The following MED27 variants were observed in gnomAD, a reference collection of about 807,000 sequenced individuals.
MED27 encodes the protein mediator complex subunit 27.
A neutral mutation model predicts 38.2 loss-of-function variants in MED27; 30 were observed. The observed-to-expected ratio is 0.79, with a 90% CI of 0.59 to 1.07. MED27 has a LOEUF of 1.07. Among genes scored for constraint, MED27 ranks in the 50% least tolerant of loss-of-function variants. The pLI, the probability that MED27 is intolerant of heterozygous loss-of-function variation, is 0.00. For missense variants in MED27, 289 were observed against 397.5 expected (o/e 0.73, Z 2.32); for synonymous variants, 122 against 153.5 (o/e 0.79, Z 1.52).
At position 132,051,631 on chromosome 9, in the gene MED27, T is replaced by G. The variant is rs992977785; in HGVS notation, c.348+25811A>C. Among the ~76,000 whole-genome samples, 1 of 152,252 alleles carries G rather than the reference T, an allele frequency of 6.6e-6. No homozygotes were observed. Among genetic ancestry groups the G allele is most frequent in the African/African-American group, 2.4e-5 (1 of 41,472 alleles). ...CTGTGTTGTCCAACATAGTGGCCAC[T>G]GGCTACAGGAGGCTATTTAAGTTTA... On this transcript the variant is annotated intron_variant, in intron 2 of 7. Coordinates refer to ENST00000292035, the MANE Select transcript of MED27 (RefSeq NM_004269.4). This position sits in a 1 kb window ranked among gnomAD's most constrained non-coding sequence, Gnocchi z 4.2.
intron 3 of MED27, among the ~76,000 whole-genome samples, chr9:131,946,941 T>C (rs1393954256): frequency 1.3e-5 from 2 of 152,214 alleles, no homozygotes; most frequent in Non-Finnish European, 2.9e-5. Flanking sequence ...TTAAATTTGC[T>C]TTGTGCTCCT....
At chr9:132,015,123 A>G (rs1247518168) in intron 2 of MED27, among the ~76,000 whole-genome samples, 1 of 152,252 alleles carries the variant, frequency 6.6e-6, no homozygotes, top group Non-Finnish European at 1.5e-5. Context: ...ATCAGTCTGC[A>G]TTCAGAACCA....
At chr9:131,869,327 A>C in intron 6 of MED27, 1 of 984,018 alleles carries the variant, frequency 1.0e-6, no homozygotes, top group Non-Finnish European at 1.2e-6. Context: ...TTTGTTTTAC[A>C]TTTTTCAACA....
At chr9:131,933,321 T>C (rs1034178424) in intron 4 of MED27, among the ~76,000 whole-genome samples, 1 of 152,068 alleles carries the variant, frequency 6.6e-6, no homozygotes. Flanking sequence ...GGTCAAATTA[T>C]CCTTGTTAGC....
intron 6 of MED27, among the ~76,000 whole-genome samples, chr9:131,863,643 G>A (rs1407683720): frequency 1.4e-5 from 2 of 146,280 alleles, no homozygotes; most frequent in East Asian, 3.9e-4. Context: ...GATTTATGAT[G>A]GGGAGCCTGG....
At chr9:132,042,125 G>A (rs1833228968) in intron 2 of MED27, among the ~76,000 whole-genome samples, 1 of 152,188 alleles carries the variant, frequency 6.6e-6, no homozygotes, top group Non-Finnish European at 1.5e-5. Flanking sequence ...TGCCAGTCTT[G>A]TCCCAGCTGG....
At chr9:131,934,574 G>A (rs555508227) in intron 4 of MED27, among the ~76,000 whole-genome samples, 2 of 152,312 alleles carry the variant, frequency 1.3e-5, no homozygotes, top group East Asian at 3.9e-4. Flanking sequence ...TGCTGGTGAG[G>A]AGGTGGAGAA....
At chr9:131,989,456 T>C (rs1398322328) in intron 3 of MED27, among the ~76,000 whole-genome samples, 1 of 151,432 alleles carries the variant, frequency 6.6e-6, no homozygotes, top group African/African-American at 2.4e-5. Context: ...ATTACCCCCT[T>C]TGTAGGTAAG....
At chr9:131,968,527 C>T (rs1159471383) in intron 3 of MED27, among the ~76,000 whole-genome samples, 1 of 151,250 alleles carries the variant, frequency 6.6e-6, no homozygotes, top group African/African-American at 2.4e-5. Flanking sequence ...GGACCCAACC[C>T]TCTTCTTTTA....
intron 3 of MED27, among the ~76,000 whole-genome samples, chr9:131,952,733 C>A (rs117401810): frequency 6.6e-6 from 1 of 152,208 alleles, no homozygotes; most frequent in Non-Finnish European, 1.5e-5. Flanking sequence ...TCCCTCTCCA[C>A]GCAGCTCTCT....
At chr9:131,893,484 A>C (rs1839261692) in intron 5 of MED27, among the ~76,000 whole-genome samples, 1 of 152,232 alleles carries the variant, frequency 6.6e-6, no homozygotes, top group African/African-American at 2.4e-5. Flanking sequence ...TTGTGGAAAA[A>C]GAGTGTCATC....
At chr9:131,916,107 T>C (rs1012799123) in intron 4 of MED27, among the ~76,000 whole-genome samples, 13 of 152,236 alleles carry the variant, frequency 8.5e-5, no homozygotes, top group Non-Finnish European at 1.5e-4. Context: ...ATTGTGCATG[T>C]CATTTTTATT....
chr9:132,072,019 T>C (rs1260848195), intron 2 of MED27, among the ~76,000 whole-genome samples: 2 of 149,686 alleles, frequency 1.3e-5, no homozygotes, highest in Non-Finnish European at 3.0e-5. Context: ...CACACGTGTA[T>C]GCGCAACACG....
chr9:132,072,994 C>T (rs1278079331), intron 2 of MED27, among the ~76,000 whole-genome samples: 2 of 152,166 alleles, frequency 1.3e-5, no homozygotes, highest in East Asian at 1.9e-4. Flanking sequence ...AAATGACAGC[C>T]GCCACAGAAC....
chr9:131,863,252 G>T, intron 6 of MED27, 112 bp from the exon 7 acceptor site: 1 of 804,932 alleles, frequency 1.2e-6, no homozygotes, highest in Non-Finnish European at 2.0e-6. Flanking sequence ...ATCTCGTGGA[G>T]GAAAGGGCAT....
chr9:131,935,215 AAAAGAGTATAATTGGATAATTCATAAAAC>A (rs933749755), intron 4 of MED27, among the ~76,000 whole-genome samples: 2 of 152,214 alleles, frequency 1.3e-5, no homozygotes, highest in African/African-American at 2.4e-5. Context: ...TAAAATAACT[AAAAGAGTATAATTGGATAATTCATAAAAC>A]AAAGAATAAA....
chr9:131,935,217 AAG>A (rs879345546), intron 4 of MED27, among the ~76,000 whole-genome samples: 2 of 152,214 alleles, frequency 1.3e-5, no homozygotes, highest in Admixed American at 1.3e-4. Flanking sequence ...AAATAACTAA[AAG>A]AGTATAATTG....
chr9:131,910,149 A>G (rs1830160991), intron 4 of MED27, among the ~76,000 whole-genome samples: 1 of 152,196 alleles, frequency 6.6e-6, no homozygotes, highest in African/African-American at 2.4e-5. Context: ...GCATTATTCA[A>G]CCAGGGCTCT....
At chr9:131,881,699 C>T (rs1321917769) in intron 6 of MED27, among the ~76,000 whole-genome samples, 2 of 151,218 alleles carry the variant, frequency 1.3e-5, no homozygotes, top group African/African-American at 4.8e-5. Flanking sequence ...ACACTGGTTA[C>T]TCACTAATAA....
Sources: allele counts gnomAD v4.1 joint callset (sites outside exome capture counted in the v4.1 genomes callset), GRCh38; gene constraint gnomAD v4.1.1; non-coding constraint Gnocchi (gnomAD v3.1); transcripts MANE v1.5; gene names NCBI Gene and HGNC (gene_info 2026-07-23, HGNC 2026-07-21).